Variants in FUT9 observed in about 807,000 individuals in gnomAD.
FUT9 encodes the protein fucosyltransferase 9.
FUT9 carries 15 observed loss-of-function variants against 29.7 expected under a neutral mutation model. The ratio of observed to expected loss-of-function variants is 0.51; its 90% confidence interval spans 0.34 to 0.78. The LOEUF (loss-of-function observed/expected upper bound fraction) is 0.78, where lower values mean the gene tolerates loss of function less well. Among genes scored for constraint, FUT9 ranks in the 30% least tolerant of loss-of-function variants. FUT9 has a pLI of 0.01. For synonymous variants in FUT9, 169 were observed against 153.7 expected (o/e 1.10, Z -0.74); for missense variants, 319 against 425.4 (o/e 0.75, Z 2.20).
chr6:96,147,314 C>G (rs1310105507), intron 2 of FUT9, among the ~76,000 whole-genome samples: 1 of 152,000 alleles, frequency 6.6e-6, no homozygotes, highest in Non-Finnish European at 1.5e-5. Context: ...GTGCACGCCA[C>G]CATACCCGGC....
chr6:96,105,908 A>G (rs1582233391), intron 1 of FUT9, among the ~76,000 whole-genome samples: 1 of 152,218 alleles, frequency 6.6e-6, no homozygotes, highest in Admixed American at 6.5e-5. Context: ...CTAATAAGCC[A>G]TTAGATGATT....
intron 2 of FUT9, among the ~76,000 whole-genome samples, chr6:96,185,294 A>G (rs1773386142): frequency 6.6e-6 from 1 of 152,130 alleles, no homozygotes; most frequent in African/African-American, 2.4e-5. Context: ...ATAAGCCTAA[A>G]CAATGAAGTA....
chr6:96,089,118 T>C (rs1771369944), intron 1 of FUT9, among the ~76,000 whole-genome samples: 2 of 152,226 alleles, frequency 1.3e-5, no homozygotes, highest in African/African-American at 4.8e-5. Context: ...TAACTATTCC[T>C]GGCCATATGT....
chr6:96,035,741 A>T (rs1213716071), intron 1 of FUT9, among the ~76,000 whole-genome samples: 3 of 136,654 alleles, frequency 2.2e-5, no homozygotes, highest in East Asian at 4.0e-4. Flanking sequence ...CATATTTATT[A>T]TACTAATATA....
At chr6:96,160,265 G>T (rs1430571823) in intron 2 of FUT9, among the ~76,000 whole-genome samples, 1 of 152,120 alleles carries the variant, frequency 6.6e-6, no homozygotes, top group African/African-American at 2.4e-5. Context: ...AAGAGTCAGG[G>T]GAAAGAGTGG....
chr6:96,104,992 G>A (rs1008823403), intron 1 of FUT9, among the ~76,000 whole-genome samples: 2 of 152,146 alleles, frequency 1.3e-5, no homozygotes, highest in Non-Finnish European at 2.9e-5. Flanking sequence ...CTTCGTATCA[G>A]GCAATCTGGG....
intron 2 of FUT9, among the ~76,000 whole-genome samples, chr6:96,122,118 T>C (rs1283749295): frequency 6.6e-6 from 1 of 152,168 alleles, no homozygotes; most frequent in African/African-American, 2.4e-5. Flanking sequence ...CATCTAAAAC[T>C]TCTGCTAACA....
At chr6:96,038,165 G>A (rs1770396163) in intron 1 of FUT9, among the ~76,000 whole-genome samples, 1 of 152,058 alleles carries the variant, frequency 6.6e-6, no homozygotes, top group Non-Finnish European at 1.5e-5. Context: ...CTTTTAGGAA[G>A]GCATGAGTTT....
rs1312143702 is a variant in FUT9, at chr6:96,213,675, CTAAT to C, written c.*9443_*9446del. On this transcript the variant is annotated 3_prime_UTR_variant, in exon 3 of 3. Transcript: ENST00000302103. ...ACCCAATAGGGTTATTTTAAGCACACTAATTAGTCATCTGGATTTTTATAGATAA... is the reference window on the plus strand; with the variant it reads ...ACCCAATAGGGTTATTTTAAGCACACTAGTCATCTGGATTTTTATAGATAA... 1 of 166,708 alleles carries C rather than the reference CTAAT, an allele frequency of 6.0e-6. No individual in the cohort carries two copies. Among genetic ancestry groups the C allele is most frequent in the East Asian group, 1.9e-4 (1 of 5,192 alleles). The allele number at this position is 166,708 out of a possible 1,614,324, so 10.3% of individuals were successfully genotyped here.
chr6:96,031,905 G>C (rs2127926888), intron 1 of FUT9, among the ~76,000 whole-genome samples: 1 of 151,474 alleles, frequency 6.6e-6, no homozygotes, highest in Middle Eastern at 3.4e-3. Context: ...TCATTCCCAG[G>C]CATTCAAACT....
At chr6:96,070,041 A>C (rs1771032077) in intron 1 of FUT9, among the ~76,000 whole-genome samples, 1 of 152,238 alleles carries the variant, frequency 6.6e-6, no homozygotes, top group Non-Finnish European at 1.5e-5. Context: ...TAAATTATTC[A>C]TTATTTTACA....
chr6:96,040,692 T>C (rs932193118), intron 1 of FUT9, among the ~76,000 whole-genome samples: 1 of 151,890 alleles, frequency 6.6e-6, no homozygotes, highest in Non-Finnish European at 1.5e-5. Flanking sequence ...GGAATCTATG[T>C]AAAAAGGTAC....
chr6:96,172,760 CA>C (rs1366535956), intron 2 of FUT9, among the ~76,000 whole-genome samples: 2 of 152,050 alleles, frequency 1.3e-5, no homozygotes, highest in Non-Finnish European at 2.9e-5. Context: ...CATTGACAAA[CA>C]TGCACAAAAT....
At chr6:96,173,187 C>T (rs968051833) in intron 2 of FUT9, among the ~76,000 whole-genome samples, 3 of 152,106 alleles carry the variant, frequency 2.0e-5, no homozygotes, top group African/African-American at 7.2e-5. Flanking sequence ...TGCTGGCTCC[C>T]ACTTGTCATT....
intron 2 of FUT9, among the ~76,000 whole-genome samples, chr6:96,139,682 C>A (rs1191626507): frequency 6.6e-6 from 1 of 152,142 alleles, no homozygotes; most frequent in Non-Finnish European, 1.5e-5. Context: ...GACTTCTGTG[C>A]ACCCACAGGC....
intron 2 of FUT9, among the ~76,000 whole-genome samples, chr6:96,130,161 A>G (rs1342263948): frequency 1.3e-5 from 2 of 152,090 alleles, no homozygotes; most frequent in African/African-American, 2.4e-5. Context: ...TTTTTACTTG[A>G]CAAGTAAAAA....
chr6:96,148,788 C>G (rs184601925), intron 2 of FUT9, among the ~76,000 whole-genome samples: 1 of 152,092 alleles, frequency 6.6e-6, no homozygotes, highest in African/African-American at 2.4e-5. Context: ...TCTGTACATG[C>G]GCAGAAATCC....
intron 2 of FUT9, among the ~76,000 whole-genome samples, chr6:96,173,074 T>C (rs1773142049): frequency 6.6e-6 from 1 of 152,154 alleles, no homozygotes; most frequent in Non-Finnish European, 1.5e-5. Context: ...TGAGGAATAG[T>C]ACATGAGTAA....
chr6:96,148,727 A>G (rs1772619776), intron 2 of FUT9, among the ~76,000 whole-genome samples: 1 of 152,204 alleles, frequency 6.6e-6, no homozygotes, highest in Non-Finnish European at 1.5e-5. Flanking sequence ...CCACTCCTAT[A>G]GTAGTGTAGA....
Sources: gnomAD v4.1 joint callset for allele counts (sites outside exome capture counted in the v4.1 genomes callset) on GRCh38, gnomAD v4.1.1 for gene constraint, MANE v1.5 for transcripts, NCBI Gene and HGNC (gene_info 2026-07-23, HGNC 2026-07-21) for gene names.